Variants in UGT1A9 observed in about 807,000 individuals in gnomAD.
The protein encoded by UGT1A9 is UDP glucuronosyltransferase family 1 member A9.
A neutral mutation model predicts 45.0 loss-of-function variants in UGT1A9; 35 were observed. That is an observed-to-expected ratio of 0.78 (90% CI 0.59 to 1.03). The LOEUF is 1.03. Among genes scored for constraint, UGT1A9 ranks in the 50% least tolerant of loss-of-function variants. UGT1A9 has a pLI of 0.00. For synonymous variants in UGT1A9, 278 were observed against 250.6 expected, an observed-to-expected ratio of 1.11 and a Z score of -1.03; for missense variants, 687 against 666.6, an observed-to-expected ratio of 1.03 and a Z score of -0.34.
Position 233,683,904 on chromosome 2 carries a change from C to T in UGT1A9, c.855+11115C>T, listed in dbSNP as rs548242603. ...CTGGTATTTATACCTCTTATTTTGGCGGAGCATATAGTTCCAAAATATTAT... is the reference window on the plus strand; with the variant it reads ...CTGGTATTTATACCTCTTATTTTGGTGGAGCATATAGTTCCAAAATATTAT... On this transcript the variant is annotated intron_variant, in intron 1 of 4. Transcript: ENST00000354728. 3.3e-5 allele frequency among the ~76,000 whole-genome samples: 5 copies of T among 152,148 alleles called. No individual in the cohort carries two copies. The South Asian group carries it at 6.2e-4, about 19-fold the overall frequency.
intron 1 of UGT1A9, among the ~76,000 whole-genome samples, chr2:233,759,387 C>A (rs1697125901): frequency 6.6e-6 from 1 of 152,128 alleles, no homozygotes. Context: ...TCAGGATACT[C>A]AGAGTAACCG....
rs926387515 is a variant in UGT1A9 at position 233,772,265 on chromosome 2, C to T, written c.1299C>T (p.Tyr433=). ...ACGAAACTGTCTTTGTGTTTAGTTA[C>T]AAGGAGAACATCATGCGCCTCTCCA... ...ALKAVINDKS[Y]KENIMRLSSL... The change falls in exon 5 of 5, where the codon TAC becomes TAT. Residue 433 remains tyrosine, a synonymous_variant. Coordinates refer to ENST00000354728, the MANE Select transcript of UGT1A9 (RefSeq NM_021027.3). 4 of 1,614,232 alleles carry T rather than the reference C, an allele frequency of 2.5e-6. No homozygotes were observed. The Admixed American group carries it at 6.7e-5, about 27-fold the overall frequency.
chr2:233,682,284 T>C, intron 1 of UGT1A9: 3 of 1,614,166 alleles, frequency 1.9e-6, no homozygotes, highest in Non-Finnish European at 2.5e-6. Flanking sequence ...TCCAATGGTA[T>C]TTTTGACTTA....
intron 1 of UGT1A9, among the ~76,000 whole-genome samples, chr2:233,759,123 C>G (rs1197152658): frequency 6.6e-6 from 1 of 152,198 alleles, no homozygotes; most frequent in East Asian, 1.9e-4. Flanking sequence ...GAGTTACAGC[C>G]TCTGGTACGC....
At chr2:233,717,703 G>A in intron 1 of UGT1A9, 1 of 450,788 alleles carries the variant, frequency 2.2e-6, no homozygotes. Context: ...TCTGGAGCAG[G>A]ACGAGCCTCA....
At chr2:233,700,651 T>C (rs1028601197) in intron 1 of UGT1A9, among the ~76,000 whole-genome samples, 22 of 152,344 alleles carry the variant, frequency 1.4e-4, no homozygotes, top group African/African-American at 5.1e-4. Context: ...AGTGTTTACA[T>C]ATTTCTACTT....
chr2:233,672,504 C>T lies in UGT1A9; in HGVS notation c.570C>T (p.Val190=), dbSNP rs2125502291. 1 of 1,613,922 alleles carries T rather than the reference C, an allele frequency of 6.2e-7. No homozygotes were observed. The highest frequency in any genetic ancestry group is 1.1e-5 in the South Asian group (1 of 91,072). ...AGTGCCCTGCTCCTCTTTCCTATGTCCCCAGAATTCTCTTAGGGTTCTCAG... is the reference window on the plus strand; with the variant it reads ...AGTGCCCTGCTCCTCTTTCCTATGTTCCCAGAATTCTCTTAGGGTTCTCAG... ...GAQCPAPLSY[V]PRILLGFSDA... Residue 190 remains valine, a synonymous_variant, in exon 1 of 5, where the codon GTC becomes GTT. Transcript: ENST00000354728.
chr2:233,719,929 A>G (rs1186808280), intron 1 of UGT1A9, among the ~76,000 whole-genome samples: 1 of 152,194 alleles, frequency 6.6e-6, no homozygotes, highest in African/African-American at 2.4e-5. Context: ...ACTCACGGAC[A>G]GTGTTTGTAA....
intron 1 of UGT1A9, chr2:233,743,987 G>T: frequency 7.8e-7 from 1 of 1,278,832 alleles, no homozygotes; most frequent in South Asian, 1.3e-5. Flanking sequence ...CCAGGCGCAG[G>T]CCCGAGTGCT....
chr2:233,680,383 C>T (rs1194810874), intron 1 of UGT1A9, among the ~76,000 whole-genome samples: 2 of 152,138 alleles, frequency 1.3e-5, no homozygotes, highest in Non-Finnish European at 2.9e-5. Flanking sequence ...TAGCTCCCTG[C>T]AATAGCAACA....
intron 1 of UGT1A9, among the ~76,000 whole-genome samples, chr2:233,676,758 T>C (rs939918603): frequency 6.6e-6 from 1 of 152,174 alleles, no homozygotes; most frequent in South Asian, 2.1e-4. Flanking sequence ...ACTGGGTTTA[T>C]AGACTTTTGG....
chr2:233,743,217 C>A, intron 1 of UGT1A9: 2 of 409,784 alleles, frequency 4.9e-6, no homozygotes, highest in Non-Finnish European at 9.6e-6. Context: ...AGTAACTGCT[C>A]TTTGCTATTT....
chr2:233,715,672 T>G (rs2076464299), intron 1 of UGT1A9, among the ~76,000 whole-genome samples: 1 of 152,104 alleles, frequency 6.6e-6, no homozygotes, highest in Non-Finnish European at 1.5e-5. Context: ...CTCGGGAGGC[T>G]GAGGCAGGAG....
At chr2:233,677,080 A>C (rs1298485853) in intron 1 of UGT1A9, among the ~76,000 whole-genome samples, 1 of 152,144 alleles carries the variant, frequency 6.6e-6, no homozygotes, top group Non-Finnish European at 1.5e-5. Flanking sequence ...AATGTGTGCA[A>C]AAATCCTGCT....
chr2:233,738,894 A>C lies in UGT1A9; in HGVS notation c.856-28140A>C. ...TCCAGGGCATGTCAGAGACCTTTGC[A>C]GCAGACCCTCCCATCACAGGCCTGG... On this transcript the variant is annotated intron_variant, in intron 1 of 4. Transcript: ENST00000354728. 2 of 152,268 alleles carry C rather than the reference A, an allele frequency of 1.3e-5. 1 individual carries two copies. Among genetic ancestry groups the C allele is most frequent in the Non-Finnish European group, 2.9e-5 (2 of 68,064 alleles). 9.4% of individuals were successfully genotyped at this position (152,268 alleles called of 1,614,324 possible).
chr2:233,761,293 G>A, intron 1 of UGT1A9: 1 of 1,522,614 alleles, frequency 6.6e-7, no homozygotes, highest in African/African-American at 1.4e-5. Context: ...TTGACTCCTA[G>A]GTTTGAGTCT....
At chr2:233,731,855 G>A (rs1025455629) in intron 1 of UGT1A9, among the ~76,000 whole-genome samples, 3 of 152,256 alleles carry the variant, frequency 2.0e-5, no homozygotes, top group African/African-American at 2.4e-5. Flanking sequence ...TTGAGGAATC[G>A]CCACACTGTC....
At chr2:233,729,866 A>C (rs1305518931) in intron 1 of UGT1A9, 8 of 1,613,728 alleles carry the variant, frequency 5.0e-6, no homozygotes, top group Non-Finnish European at 5.9e-6. Flanking sequence ...TCAGTGGTGG[A>C]TATTCTCAGT....
At position 233,725,198 on chromosome 2, in the gene UGT1A9, A is replaced by G. The variant is rs1414997731; in HGVS notation, c.856-41836A>G. The stretch of plus-strand genomic sequence containing the variant: ...CGTGGGGAGAGGCAGAGGCAGAGGC[A>G]GAGGCAGAGGCAGAGGCAGAGGAGG... On this transcript the variant is annotated intron_variant, in intron 1 of 4. Coordinates refer to ENST00000354728, the MANE Select transcript of UGT1A9 (RefSeq NM_021027.3). Among the ~76,000 whole-genome samples, 47 of 86,252 alleles carry G rather than the reference A, an allele frequency of 5.4e-4. 1 individual carries two copies. The highest frequency in any genetic ancestry group is 5.3e-3 in the Middle Eastern group (1 of 188). 56.6% of individuals were successfully genotyped at this position (86,252 alleles called of 152,430 possible). A position where few individuals can be genotyped will look rare whatever the true frequency, so the allele number is the denominator to read the frequency against.
Sources: gnomAD v4.1 joint callset for allele counts (sites outside exome capture counted in the v4.1 genomes callset) on GRCh38, gnomAD v4.1.1 for gene constraint, MANE v1.5 for transcripts, NCBI Gene and HGNC (gene_info 2026-07-23, HGNC 2026-07-21) for gene names.